KCNIP4: variants seen among roughly 807,000 people sequenced by gnomAD.
The protein encoded by KCNIP4 is Kv channel-interacting protein 4.
A neutral mutation model predicts 34.0 loss-of-function variants in KCNIP4; 12 were observed. The ratio of observed to expected loss-of-function variants is 0.35; its 90% confidence interval spans 0.23 to 0.57. The LOEUF (loss-of-function observed/expected upper bound fraction) is 0.57. Ranked by LOEUF, KCNIP4 falls within the 20% of genes least tolerant of loss-of-function variation. The probability of loss-of-function intolerance (pLI) is 0.83; values close to 1 mark genes in which losing one functional copy is unlikely to be tolerated. For synonymous variants in KCNIP4, 124 were observed against 102.2 expected (o/e 1.21, Z -1.29); for missense variants, 238 against 311.7 (o/e 0.76, Z 1.78).
At chr4:21,643,200 C>A (rs560027635) in intron 1 of KCNIP4, among the ~76,000 whole-genome samples, 1 of 152,080 alleles carries the variant, frequency 6.6e-6, no homozygotes, top group East Asian at 1.9e-4. Context: ...CCTCTCTTTT[C>A]CCCTTACCAT....
chr4:20,980,893 A>G (rs896182317), intron 1 of KCNIP4, among the ~76,000 whole-genome samples: 4 of 152,084 alleles, frequency 2.6e-5, no homozygotes, highest in African/African-American at 9.7e-5. Context: ...GAGTTTAGCA[A>G]TTTGCATTGG....
chr4:21,774,650 T>C (rs973084188), intron 1 of KCNIP4, among the ~76,000 whole-genome samples: 2 of 152,192 alleles, frequency 1.3e-5, no homozygotes, highest in African/African-American at 4.8e-5. Context: ...CATTCTTTTT[T>C]CCTCTATTCT....
At chr4:21,930,329 A>G (rs553159723) in intron 1 of KCNIP4, among the ~76,000 whole-genome samples, 2 of 152,090 alleles carry the variant, frequency 1.3e-5, no homozygotes, top group Non-Finnish European at 2.9e-5. Context: ...CACTGCTTTA[A>G]TTCAGGTCTC....
At chr4:21,307,033 G>T (rs900358109) in intron 1 of KCNIP4, among the ~76,000 whole-genome samples, 5 of 152,066 alleles carry the variant, frequency 3.3e-5, no homozygotes, top group Admixed American at 6.5e-5. Flanking sequence ...TGTTGGTGAG[G>T]CTGGTTTTGA....
intron 1 of KCNIP4, among the ~76,000 whole-genome samples, chr4:21,922,406 C>A (rs1728985844): frequency 6.6e-6 from 1 of 152,206 alleles, no homozygotes; most frequent in South Asian, 2.1e-4. Flanking sequence ...TGGTGAATTG[C>A]AAATAAGTTT....
chr4:20,955,745 T>C (rs1383835229), intron 1 of KCNIP4, among the ~76,000 whole-genome samples: 1 of 152,236 alleles, frequency 6.6e-6, no homozygotes, highest in African/African-American at 2.4e-5. Flanking sequence ...AAAAAAACTT[T>C]AGGTATTCCA....
At chr4:21,103,576 A>G (rs1029060555) in intron 1 of KCNIP4, among the ~76,000 whole-genome samples, 1 of 151,064 alleles carries the variant, frequency 6.6e-6, no homozygotes, top group Non-Finnish European at 1.5e-5. Flanking sequence ...AGCATTTTTT[A>G]CTTTATTTTA....
intron 1 of KCNIP4, among the ~76,000 whole-genome samples, chr4:21,211,194 A>C (rs527999116): frequency 6.6e-6 from 1 of 152,316 alleles, no homozygotes; most frequent in African/African-American, 2.4e-5. Flanking sequence ...GTTTGTACTC[A>C]TAAGGTGCTC....
rs1208017869 is a variant in KCNIP4, at chr4:21,389,475, C to T, written c.62-506766G>A. On this transcript the variant is annotated intron_variant, in intron 1 of 8. Coordinates refer to ENST00000382152, the MANE Select transcript of KCNIP4 (RefSeq NM_025221.6). ...CCCTCCCCCCACCCCACAACAGGCC[C>T]CAGTGTGTGATGTTCCTCTTCCTGT... Among the ~76,000 whole-genome samples the T allele has an allele frequency of 8.9e-5, 11 of 122,936 alleles. No homozygotes were observed. In the Admixed American group the frequency reaches 1.1e-3, roughly 12 times the overall value. 80.7% of individuals were successfully genotyped at this position (122,936 alleles called of 152,430 possible). A position where few individuals can be genotyped will look rare whatever the true frequency, so the allele number is the denominator to read the frequency against.
intron 1 of KCNIP4, among the ~76,000 whole-genome samples, chr4:21,250,523 C>A (rs955741869): frequency 6.6e-6 from 1 of 152,080 alleles, no homozygotes; most frequent in Admixed American, 6.5e-5. Context: ...AGGAGGAATA[C>A]GCAGGATACA....
At chr4:21,301,981 C>T (rs1222791157) in intron 1 of KCNIP4, among the ~76,000 whole-genome samples, 3 of 152,112 alleles carry the variant, frequency 2.0e-5, no homozygotes, top group African/African-American at 7.2e-5. Flanking sequence ...CAACATTTTA[C>T]TATTTATAAT....
intron 1 of KCNIP4, among the ~76,000 whole-genome samples, chr4:20,937,050 G>C (rs186403455): frequency 6.6e-6 from 1 of 151,994 alleles, no homozygotes; most frequent in East Asian, 1.9e-4. Context: ...CATTATGAAA[G>C]GAAAGAAGAG....
chr4:20,766,291 A>C (rs1755406585), intron 3 of KCNIP4, among the ~76,000 whole-genome samples: 1 of 152,224 alleles, frequency 6.6e-6, no homozygotes. Flanking sequence ...TTTAGAGGCC[A>C]GGCACGGTGG....
chr4:21,731,415 G>T (rs1239398632), intron 1 of KCNIP4, among the ~76,000 whole-genome samples: 2 of 152,076 alleles, frequency 1.3e-5, no homozygotes, highest in Non-Finnish European at 2.9e-5. Flanking sequence ...GGAGGAGGAG[G>T]GGGTGAAAAG....
At position 21,799,461 on chromosome 4, in the gene KCNIP4, T is replaced by A. The variant is rs187104029; in HGVS notation, c.61+149110A>T. 2.6e-3 allele frequency among the ~76,000 whole-genome samples: 390 copies of A among 152,326 alleles called. 3 individuals are homozygous for A. The highest frequency in any genetic ancestry group is 9.0e-3 in the African/African-American group (376 of 41,576). On this transcript the variant is annotated intron_variant, in intron 1 of 8. Coordinates refer to ENST00000382152, the MANE Select transcript of KCNIP4 (RefSeq NM_025221.6). ...TAGCTTTCGTAATCTTTGACATTAA[T>A]ATTGGTCAAAAGCTATATGATACCT...
rs139351133 is a variant in KCNIP4, at chr4:21,452,217, T to C, written c.61+496354A>G. ...GAAAATAAAAAATTCTCCCTAATGA[T>C]ACCACTGCATTGTAAATTCTACACA... is the stretch of plus-strand genomic sequence containing the variant. On this transcript the variant is annotated intron_variant, in intron 1 of 8. Coordinates refer to ENST00000382152, the MANE Select transcript of KCNIP4 (RefSeq NM_025221.6). Among the ~76,000 whole-genome samples, 95 of 152,246 alleles carry C rather than the reference T, an allele frequency of 6.2e-4. 1 individual carries two copies. In the East Asian group the frequency reaches 0.016, roughly 26 times the overall value.
At chr4:21,362,274 G>A (rs1013779552) in intron 1 of KCNIP4, among the ~76,000 whole-genome samples, 8 of 152,068 alleles carry the variant, frequency 5.3e-5, no homozygotes, top group African/African-American at 1.9e-4. Flanking sequence ...AGAGGGAGCC[G>A]CAGAATAGCC....
intron 1 of KCNIP4, among the ~76,000 whole-genome samples, chr4:21,630,210 T>C (rs1745651505): frequency 6.6e-6 from 1 of 151,354 alleles, no homozygotes; most frequent in African/African-American, 2.4e-5. Flanking sequence ...CTCATGCCTG[T>C]AATCCCAGCA....
intron 2 of KCNIP4, among the ~76,000 whole-genome samples, chr4:20,874,436 C>A (rs547082912): frequency 6.6e-6 from 1 of 152,080 alleles, no homozygotes; most frequent in Non-Finnish European, 1.5e-5. Flanking sequence ...TGAGTGTTCC[C>A]CTGTGCCTGG....
Sources: gnomAD v4.1 joint callset for allele counts (sites outside exome capture counted in the v4.1 genomes callset) on GRCh38, gnomAD v4.1.1 for gene constraint, MANE v1.5 for transcripts, NCBI Gene and HGNC (gene_info 2026-07-23, HGNC 2026-07-21) for gene names.